CPVL: variants seen among roughly 807,000 people sequenced by gnomAD.
The protein encoded by CPVL is carboxypeptidase vitellogenic like.
CPVL carries 51 observed loss-of-function variants against 63.7 expected under a neutral mutation model. The ratio of observed to expected loss-of-function variants is 0.80; its 90% CI spans 0.64 to 1.01. The LOEUF (loss-of-function observed/expected upper bound fraction) is 1.01, where lower values mean the gene tolerates loss of function less well. Ranked by LOEUF, CPVL falls within the 50% of genes least tolerant of loss-of-function variation. The probability of loss-of-function intolerance (pLI) is 0.00; values close to 1 mark genes in which losing one functional copy is unlikely to be tolerated. For missense variants in CPVL, 530 were observed against 573.1 expected (o/e 0.92, Z 0.77); for synonymous variants, 195 against 206.0 (o/e 0.95, Z 0.46).
At chr7:29,176,675 TTTTG>T (rs1797391516) in intron 5 of CPVL, among the ~76,000 whole-genome samples, 1 of 152,158 alleles carries the variant, frequency 6.6e-6, no homozygotes, top group Admixed American at 6.5e-5. Context: ...CAAGAAAGAA[TTTTG>T]AGCCAAGAAA....
intron 12 of CPVL, among the ~76,000 whole-genome samples, chr7:29,020,216 T>G (rs939763813): frequency 6.6e-6 from 1 of 152,010 alleles, no homozygotes; most frequent in Non-Finnish European, 1.5e-5. Context: ...AAATAACAGG[T>G]GGTGGAGGCA....
At chr7:29,101,439 C>T (rs1366108978) in intron 3 of CPVL, among the ~76,000 whole-genome samples, 1 of 151,964 alleles carries the variant, frequency 6.6e-6, no homozygotes, top group Non-Finnish European at 1.5e-5. Flanking sequence ...TCTCTAAATA[C>T]AAAAAATTAG....
chr7:29,102,370 T>C lies in CPVL; in HGVS notation c.289-6153A>G, dbSNP rs567239559. On this transcript the variant is annotated intron_variant, in intron 3 of 12. Coordinates refer to ENST00000265394, the MANE Select transcript of CPVL (RefSeq NM_031311.5). Reference sequence around the variant, plus strand: ...GACAGTAAACAAGCAACTAAATAAATGAGTGATATGAAAGAGGAATGGAGA... The same window carrying C: ...GACAGTAAACAAGCAACTAAATAAACGAGTGATATGAAAGAGGAATGGAGA... Among the ~76,000 whole-genome samples, 14 of 152,098 alleles carry C rather than the reference T, an allele frequency of 9.2e-5. No individual in the cohort carries two copies. In the East Asian group the frequency reaches 2.5e-3, roughly 27 times the overall value.
At chr7:29,155,351 G>C (rs899740381) in intron 5 of CPVL, among the ~76,000 whole-genome samples, 1 of 152,062 alleles carries the variant, frequency 6.6e-6, no homozygotes, top group African/African-American at 2.4e-5. Flanking sequence ...GGAAAGACAA[G>C]GCTGAGAGAA....
At chr7:29,169,637 G>T (rs1562805316) in intron 5 of CPVL, among the ~76,000 whole-genome samples, 2 of 152,012 alleles carry the variant, frequency 1.3e-5, no homozygotes, top group African/African-American at 4.8e-5. Context: ...TTTGGCTTCT[G>T]CCTTTTCATG....
intron 11 of CPVL, among the ~76,000 whole-genome samples, chr7:29,036,509 T>C (rs192488359): frequency 1.2e-3 from 187 of 152,360 alleles, no homozygotes; most frequent in African/African-American, 4.2e-3. Context: ...AAAGGCCGAC[T>C]GTAGGAAGAA....
At chr7:29,167,134 C>T (rs1016038704) in intron 5 of CPVL, among the ~76,000 whole-genome samples, 3 of 152,140 alleles carry the variant, frequency 2.0e-5, no homozygotes, top group Non-Finnish European at 4.4e-5. Context: ...TACCTTGATA[C>T]ACTCAAAGTG....
intron 3 of CPVL, among the ~76,000 whole-genome samples, chr7:29,096,608 A>C (rs1442550957): frequency 1.3e-5 from 2 of 152,188 alleles, no homozygotes; most frequent in Admixed American, 6.5e-5. Flanking sequence ...TTCCCAACAG[A>C]GGCACAACAA....
Position 29,086,487 on chromosome 7 carries a change from C to T in CPVL, c.606G>A (p.Gly202=). The T allele has an allele frequency of 1.9e-6, 3 of 1,609,066 alleles. No homozygotes were observed. Among genetic ancestry groups the T allele is most frequent in the Non-Finnish European group, 2.6e-6 (3 of 1,175,562 alleles). The change falls in exon 7 of 13, where the codon GGG becomes GGA. Residue 202 remains glycine, a synonymous_variant. Transcript: ENST00000265394. ...AGGAAACGTGACTTCTACTTACCTC[C>T]CCAGTGACATAAAAGTCATTATTTT... ...EYKNNDFYVT[G]ESYAGKYVPA... is the part of the protein sequence containing the mutation.
intron 5 of CPVL, among the ~76,000 whole-genome samples, chr7:29,157,501 T>C (rs1302903150): frequency 6.6e-6 from 1 of 152,226 alleles, no homozygotes; most frequent in Non-Finnish European, 1.5e-5. Flanking sequence ...GTCTCTTTCA[T>C]GGACCCTTCA....
intron 11 of CPVL, among the ~76,000 whole-genome samples, chr7:29,062,636 A>T (rs1267456141): frequency 6.6e-6 from 1 of 152,178 alleles, no homozygotes; most frequent in Non-Finnish European, 1.5e-5. Flanking sequence ...GTTAGGGTGC[A>T]TTGGCCAGGG....
rs145397327 is a variant in CPVL, at chr7:29,015,635, C to A, written c.1320+14942G>T. ...CCTGCAGAACTGTGAGCCAATTAAA[C>A]CTCTTTTCTTAGAAATTACCCTGTC... On this transcript the variant is annotated intron_variant, in intron 12 of 12. Coordinates refer to ENST00000265394, the MANE Select transcript of CPVL (RefSeq NM_031311.5). Among the ~76,000 whole-genome samples, 386 of 152,284 alleles carry A rather than the reference C, an allele frequency of 2.5e-3. 3 individuals are homozygous for A. Among genetic ancestry groups the A allele is most frequent in the African/African-American group, 8.6e-3 (359 of 41,548 alleles).
At position 29,053,555 on chromosome 7, in the gene CPVL, AT is replaced by A. The variant is rs760817446; in HGVS notation, c.1137+10505del. On this transcript the variant is annotated intron_variant, in intron 11 of 12. Coordinates refer to ENST00000265394, the MANE Select transcript of CPVL (RefSeq NM_031311.5). The stretch of plus-strand genomic sequence containing the variant: ...GCAAATCCATACAGACAGAAAGTAG[AT>A]TAGTGGTTGCCAGGGGCTGGAAGAG... Among the ~76,000 whole-genome samples, 155 of 152,354 alleles carry A rather than the reference AT, an allele frequency of 1.0e-3. 1 individual carries two copies. The highest frequency in any genetic ancestry group is 3.1e-3 in the South Asian group (15 of 4,830).
chr7:29,071,534 A>G (rs1212162432), intron 9 of CPVL, among the ~76,000 whole-genome samples: 1 of 152,248 alleles, frequency 6.6e-6, no homozygotes, highest in Non-Finnish European at 1.5e-5. Context: ...AGACACAGTT[A>G]GATAAACACT....
At chr7:29,185,319 T>TTTG (rs1798575647) in intron 3 of CPVL, among the ~76,000 whole-genome samples, 1 of 152,220 alleles carries the variant, frequency 6.6e-6, no homozygotes, top group Admixed American at 6.5e-5. Flanking sequence ...TTAAAGATCA[T>TTTG]AACATGGACC....
At chr7:29,041,394 T>C (rs993887963) in intron 11 of CPVL, among the ~76,000 whole-genome samples, 2 of 152,018 alleles carry the variant, frequency 1.3e-5, no homozygotes, top group Non-Finnish European at 2.9e-5. Context: ...TGAATTTTAA[T>C]AAACTGACTG....
intron 7 of CPVL, among the ~76,000 whole-genome samples, chr7:29,079,096 G>A (rs1784469733): frequency 6.6e-6 from 1 of 152,114 alleles, no homozygotes; most frequent in Admixed American, 6.5e-5. Flanking sequence ...AATGATCAAA[G>A]CCAAGTCTTT....
upstream of CPVL, among the ~76,000 whole-genome samples, chr7:29,149,828 C>G (rs1246241493): frequency 6.6e-6 from 1 of 152,136 alleles, no homozygotes; most frequent in Non-Finnish European, 1.5e-5. Flanking sequence ...ACAGTGTCTC[C>G]CCTCCATGTG....
At chr7:29,124,862 CA>C (rs925898376) in intron 1 of CPVL, 1 of 151,808 alleles carries the variant, frequency 6.6e-6, no homozygotes, top group African/African-American at 2.4e-5. Flanking sequence ...TTTAAAAAAA[CA>C]AAGTGAAGCA....
Sources: allele counts gnomAD v4.1 joint callset (sites outside exome capture counted in the v4.1 genomes callset), GRCh38; gene constraint gnomAD v4.1.1; transcripts MANE v1.5; gene names NCBI Gene and HGNC (gene_info 2026-07-23, HGNC 2026-07-21).